Variants in TNRC6A observed in about 807,000 individuals in gnomAD.
TNRC6A encodes trinucleotide repeat-containing gene 6A protein.
TNRC6A carries 44 observed loss-of-function variants against 221.2 expected under a neutral mutation model. The observed-to-expected ratio is 0.20, with a 90% CI of 0.16 to 0.26. TNRC6A has a LOEUF of 0.26. Ranked by LOEUF, TNRC6A falls within the 10% of genes least tolerant of loss-of-function variation. The pLI is 1.00. For synonymous variants in TNRC6A, 847 were observed against 838.5 expected, an observed-to-expected ratio of 1.01 and a Z score of -0.18; for missense variants, 2,199 against 2,404.4, an observed-to-expected ratio of 0.91 and a Z score of 1.79.
chr16:24,629,947 TG>T (rs1445066977), intron 1 of TNRC6A, among the ~76,000 whole-genome samples: 7 of 151,280 alleles, frequency 4.6e-5, no homozygotes, highest in Non-Finnish European at 5.9e-5. Flanking sequence ...CACTCCAGCC[TG>T]GGTGACAGAG....
At chr16:24,686,742 G>A (rs1164057770) in intron 2 of TNRC6A, among the ~76,000 whole-genome samples, 6 of 152,128 alleles carry the variant, frequency 3.9e-5, no homozygotes, top group Non-Finnish European at 7.4e-5. Flanking sequence ...TCGGTGCCGC[G>A]ACAGAGGCCT....
chr16:24,631,424 T>C (rs1433286247), intron 1 of TNRC6A, among the ~76,000 whole-genome samples: 1 of 152,174 alleles, frequency 6.6e-6, no homozygotes, highest in Non-Finnish European at 1.5e-5. Flanking sequence ...GCCCCTATTC[T>C]TTCTCAGTCC....
chr16:24,664,542 AAATAT>A (rs1327441292), intron 2 of TNRC6A, among the ~76,000 whole-genome samples: 1 of 143,550 alleles, frequency 7.0e-6, no homozygotes, highest in Admixed American at 7.2e-5. Flanking sequence ...TATATTTTTA[AAATAT>A]AATATATTTT....
At chr16:24,639,484 C>A (rs1901817941) in intron 1 of TNRC6A, among the ~76,000 whole-genome samples, 1 of 151,760 alleles carries the variant, frequency 6.6e-6, no homozygotes, top group Non-Finnish European at 1.5e-5. Flanking sequence ...CAGAGCAAGA[C>A]CCTCTCTCAA....
intron 2 of TNRC6A, among the ~76,000 whole-genome samples, chr16:24,675,702 C>CTCTCTCTATATA (rs1180245687): frequency 9.0e-5 from 3 of 33,262 alleles, no homozygotes; most frequent in Non-Finnish European, 1.6e-4. Flanking sequence ...CTCTCTCTCT[C>CTCTCTCTATATA]TATATATATA....
At chr16:24,789,160 T>A in intron 5 of TNRC6A, 72 bp from the exon 6 acceptor site, 1 of 1,420,092 alleles carries the variant, frequency 7.0e-7, no homozygotes. Context: ...ATTCGTCATT[T>A]TTCTTAGATT....
In TNRC6A at chr16:24,680,940, A is replaced by T. The variant is rs977321710; in HGVS notation, n.402+39931A>T. 4.4e-4 allele frequency among the ~76,000 whole-genome samples: 65 copies of T among 148,706 alleles called. No individual in the cohort carries two copies. The South Asian group carries it at 4.5e-3, about 10-fold the overall frequency. On this transcript the variant is annotated intron_variant and non_coding_transcript_variant, in intron 2 of 2. Transcript: ENST00000566108. ...ACACTCGGCTAATTAAAAAAAAAAA[A>T]TTTTTTTTTTGAGAGACTAGGTCTC...
intron 4 of TNRC6A, chr16:24,776,608 C>A: frequency 1.0e-6 from 1 of 985,386 alleles, no homozygotes; most frequent in South Asian, 4.7e-5. Context: ...TGAGTCATTG[C>A]GAGTTCCCTG....
At chr16:24,629,668 T>C (rs1372050732) in intron 1 of TNRC6A, among the ~76,000 whole-genome samples, 3 of 152,156 alleles carry the variant, frequency 2.0e-5, no homozygotes, top group South Asian at 2.1e-4. Flanking sequence ...TTTTTAAAAA[T>C]TTATTTTAAT....
Position 24,784,857 on chromosome 16 carries a change from A to G in TNRC6A, c.590-4375A>G, listed in dbSNP as rs556125714. 3.3e-5 allele frequency among the ~76,000 whole-genome samples: 5 copies of G among 152,360 alleles called. No homozygotes were observed. The East Asian group carries it at 9.6e-4, about 29-fold the overall frequency. ...AGGTGATAGAACTCATTTGCAGAAT[A>G]TATTCAGGCGTTTGCTTTTTTGCTT... On this transcript the variant is annotated intron_variant, in intron 5 of 24. Transcript: ENST00000395799.
At chr16:24,771,586 T>TATGTTATGTTGTG (rs1567449478) in intron 4 of TNRC6A, among the ~76,000 whole-genome samples, 126 of 123,134 alleles carry the variant, frequency 1.0e-3, no homozygotes, top group African/African-American at 3.4e-3. Context: ...GTTATGTTGT[T>TATGTTATGTTGTG]ATGTTATGTT....
At position 24,823,779 on chromosome 16, in the gene TNRC6A, A is replaced by G. The variant is rs1184718656; in HGVS notation, c.5861A>G (p.His1954Arg). The part of the protein sequence containing the change: ...SPINAFLSVD[H>R]LGGGGESM ...ATTAACGCTTTTCTTTCTGTTGACC[A>G]CCTGGGTGGGGGTGGAGAGTCCATG... Residue 1954 changes from histidine to arginine, a missense_variant, in exon 25 of 25, where the codon CAC (histidine) becomes CGC (arginine). His to Arg is a conservative substitution (Grantham distance 29). This residue lies in a region of TNRC6A where 130 missense variants were observed against 121.7 expected (regional missense o/e 1.07). Transcript: ENST00000395799. This position sits in a 1 kb window ranked among gnomAD's most constrained non-coding sequence, Gnocchi z 4.3. 1 of 1,478,258 alleles carries G rather than the reference A, an allele frequency of 6.8e-7. No homozygotes were observed. The highest frequency in any genetic ancestry group is 9.0e-7 in the Non-Finnish European group (1 of 1,114,006). 91.6% of individuals were successfully genotyped at this position (1,478,258 alleles called of 1,614,324 possible).
chr16:24,648,132 A>G (rs1227001880), intron 2 of TNRC6A, among the ~76,000 whole-genome samples: 5 of 152,118 alleles, frequency 3.3e-5, no homozygotes, highest in Non-Finnish European at 7.4e-5. Flanking sequence ...GCTATTGGGA[A>G]TAATGCTGCC....
intron 2 of TNRC6A, among the ~76,000 whole-genome samples, chr16:24,676,540 C>T (rs369333551): frequency 3.0e-4 from 46 of 152,284 alleles, no homozygotes; most frequent in African/African-American, 1.0e-3. Context: ...ATTGCAACCT[C>T]AACTTCCCAG....
chr16:24,682,406 T>TC, intron 2 of TNRC6A, among the ~76,000 whole-genome samples: 1 of 150,598 alleles, frequency 6.6e-6, no homozygotes, highest in South Asian at 2.1e-4. Context: ...TTTTTTTTTT[T>TC]CAGTAGAGAT....
intron 18 of TNRC6A, among the ~76,000 whole-genome samples, chr16:24,812,606 G>A (rs1280328569): frequency 6.6e-6 from 1 of 152,104 alleles, no homozygotes; most frequent in African/African-American, 2.4e-5. Context: ...TTCTGTTACA[G>A]TTGCCTACAT....
chr16:24,641,736 C>T (rs1238444615), intron 2 of TNRC6A, among the ~76,000 whole-genome samples: 1 of 151,976 alleles, frequency 6.6e-6, no homozygotes, highest in African/African-American at 2.4e-5. Flanking sequence ...GTGTATTAAC[C>T]CCTCTGAATA....
chr16:24,723,316 G>C (rs956374126), intron 2 of TNRC6A, among the ~76,000 whole-genome samples: 8 of 152,090 alleles, frequency 5.3e-5, no homozygotes, highest in Admixed American at 3.3e-4. Context: ...CATGGTGGCA[G>C]GGCGCAGTGG....
intron 4 of TNRC6A, among the ~76,000 whole-genome samples, chr16:24,775,824 G>T (rs2151709467): frequency 6.6e-6 from 1 of 152,238 alleles, no homozygotes; most frequent in South Asian, 2.1e-4. Flanking sequence ...CAGTAACATG[G>T]GGGTGTTTCA....
Sources: allele counts gnomAD v4.1 joint callset (sites outside exome capture counted in the v4.1 genomes callset), GRCh38; gene constraint gnomAD v4.1.1; regional missense constraint gnomAD v4.1.1; non-coding constraint Gnocchi (gnomAD v3.1); transcripts MANE v1.5; gene names NCBI Gene and HGNC (gene_info 2026-07-23, HGNC 2026-07-21).